The following AK3 variants were observed in gnomAD, a reference collection of about 807,000 sequenced individuals.
The protein encoded by AK3 is adenylate kinase 3.
In AK3, 27 loss-of-function variants were observed where a neutral mutation model predicts 23.7. The ratio of observed to expected loss-of-function variants is 1.14; its 90% CI spans 0.84 to 1.57. AK3 has a LOEUF of 1.57. Among genes scored for constraint, AK3 ranks in the 40% most tolerant of loss-of-function variants. The pLI is 0.00. For synonymous variants in AK3, 159 were observed against 116.0 expected, an observed-to-expected ratio of 1.37 and a Z score of -2.38; for missense variants, 406 against 285.6, an observed-to-expected ratio of 1.42 and a Z score of -3.04.
intron 1 of AK3, among the ~76,000 whole-genome samples, chr9:4,730,659 T>C (rs1040362929): frequency 1.3e-5 from 2 of 152,178 alleles, no homozygotes; most frequent in Non-Finnish European, 2.9e-5. Context: ...TATATATAGA[T>C]AGATAATCCT....
chr9:4,740,703 A>C (rs1842408554), intron 1 of AK3, among the ~76,000 whole-genome samples: 1 of 151,976 alleles, frequency 6.6e-6, no homozygotes, highest in Non-Finnish European at 1.5e-5. Context: ...TTCGAGCTCG[A>C]CCTAACTTTC....
intron 2 of AK3, among the ~76,000 whole-genome samples, chr9:4,720,340 A>C (rs1841862182): frequency 6.6e-6 from 1 of 152,216 alleles, no homozygotes; most frequent in Admixed American, 6.5e-5. Flanking sequence ...CATTTTGTCC[A>C]GAATACCAGA....
At chr9:4,730,508 T>C (rs1158467539) in intron 1 of AK3, among the ~76,000 whole-genome samples, 1 of 152,044 alleles carries the variant, frequency 6.6e-6, no homozygotes, top group Non-Finnish European at 1.5e-5. Context: ...GAAACTGAGG[T>C]GGGAGGATTG....
chr9:4,712,826 C>T lies in AK3; in HGVS notation c.*150G>A. Reference sequence around the variant, plus strand: ...TTAGTATCCGAATCATTTGGCACATCCTTAGTATCCAAAATAAAATCAGTA... The same window carrying T: ...TTAGTATCCGAATCATTTGGCACATTCTTAGTATCCAAAATAAAATCAGTA... On this transcript the variant is annotated 3_prime_UTR_variant, in exon 5 of 5. Transcript: ENST00000381809. 1 of 850,256 alleles carries T rather than the reference C, an allele frequency of 1.2e-6. No individual in the cohort carries two copies. Among genetic ancestry groups the T allele is most frequent in the Non-Finnish European group, 1.7e-6 (1 of 584,230 alleles). The allele number at this position is 850,256 out of a possible 1,614,324, so 52.7% of individuals were successfully genotyped here. A position where few individuals can be genotyped will look rare whatever the true frequency, so the allele number is the denominator to read the frequency against.
At chr9:4,735,478 A>ATATATATATATATATTTT (rs1295633089) in intron 1 of AK3, among the ~76,000 whole-genome samples, 1 of 62,598 alleles carries the variant, frequency 1.6e-5, no homozygotes, top group African/African-American at 6.5e-5. Context: ...ATATATATAT[A>ATATATATATATATATTTT]TTTTTTTTTT....
In AK3 at chr9:4,711,558, T is replaced by G. The variant is rs1486694151; in HGVS notation, c.*1418A>C. The G allele has an allele frequency of 6.6e-6, 1 of 152,536 alleles. No homozygotes were observed. The highest frequency in any genetic ancestry group is 1.5e-5 in the Non-Finnish European group (1 of 68,038). The allele number at this position is 152,536 out of a possible 1,614,324, so 9.4% of individuals were successfully genotyped here. A position where few individuals can be genotyped will look rare whatever the true frequency, so the allele number is the denominator to read the frequency against. ...TAAGAACCACTTACTGGCACTTGTATTTTAAGTACCTGGGAAAAAAACGGA... is the reference window on the plus strand; with the variant it reads ...TAAGAACCACTTACTGGCACTTGTAGTTTAAGTACCTGGGAAAAAAACGGA... On this transcript the variant is annotated 3_prime_UTR_variant, in exon 5 of 5. Transcript: ENST00000381809.
intron 2 of AK3, among the ~76,000 whole-genome samples, chr9:4,722,106 T>A (rs550764391): frequency 1.3e-5 from 2 of 152,162 alleles, no homozygotes; most frequent in Non-Finnish European, 2.9e-5. Context: ...CTGAAACAAA[T>A]CTCTTTTGTG....
chr9:4,735,869 C>G (rs1346775841), intron 1 of AK3, among the ~76,000 whole-genome samples: 1 of 151,950 alleles, frequency 6.6e-6, no homozygotes, highest in African/African-American at 2.4e-5. Flanking sequence ...AATCCCAGAA[C>G]TTTGAGAAGC....
At chr9:4,739,854 C>G (rs1179272542) in intron 1 of AK3, among the ~76,000 whole-genome samples, 1 of 151,854 alleles carries the variant, frequency 6.6e-6, no homozygotes, top group East Asian at 1.9e-4. Context: ...TTGCTTGAAC[C>G]CAGGAGGCAG....
At chr9:4,718,233 G>A (rs1841789898) in intron 4 of AK3, among the ~76,000 whole-genome samples, 186 bp downstream of exon 4, 1 of 152,174 alleles carries the variant, frequency 6.6e-6, no homozygotes, top group Non-Finnish European at 1.5e-5. Flanking sequence ...ATCAAACCCA[G>A]GTGTGACTGA....
intron 4 of AK3, among the ~76,000 whole-genome samples, chr9:4,717,325 C>G (rs1841763289): frequency 6.6e-6 from 1 of 152,196 alleles, no homozygotes; most frequent in South Asian, 2.1e-4. Flanking sequence ...TGGAGTATTT[C>G]TTAGCCTAAG....
chr9:4,741,559 T>G (rs939872007), upstream of AK3, among the ~76,000 whole-genome samples: 5 of 151,038 alleles, frequency 3.3e-5, no homozygotes, highest in African/African-American at 4.9e-5. Flanking sequence ...CCCAGCCGGA[T>G]AGACCGCGCT....
At position 4,715,775 on chromosome 9, in the gene AK3, A is replaced by G. The variant is rs1401939255; in HGVS notation, c.563+2644T>C. On this transcript the variant is annotated intron_variant, in intron 4 of 4. Transcript: ENST00000381809. The stretch of plus-strand genomic sequence containing the variant: ...TCACTGCTTTGGGGGATTATCATTC[A>G]TAGCCTTGCAGTGGTGGTGTTATCT... Among the ~76,000 whole-genome samples, 3 of 152,270 alleles carry G rather than the reference A, an allele frequency of 2.0e-5. No homozygotes were observed. In the East Asian group the frequency reaches 5.8e-4, roughly 29 times the overall value.
At chr9:4,740,075 A>AG (rs1842391474) in intron 1 of AK3, among the ~76,000 whole-genome samples, 1 of 141,440 alleles carries the variant, frequency 7.1e-6, no homozygotes, top group South Asian at 2.1e-4. Context: ...AAAAAAAAAA[A>AG]AAGAAGGAAA....
chr9:4,729,979 A>G (rs1402694549), intron 1 of AK3, among the ~76,000 whole-genome samples: 1 of 152,260 alleles, frequency 6.6e-6, no homozygotes, highest in African/African-American at 2.4e-5. Context: ...ATATCAAGAC[A>G]GTGGAATATT....
intron 2 of AK3, among the ~76,000 whole-genome samples, chr9:4,719,812 T>G (rs1841844411): frequency 6.6e-6 from 1 of 152,138 alleles, no homozygotes; most frequent in South Asian, 2.1e-4. Flanking sequence ...ACACCTGTAA[T>G]CCCAGCATTT....
intron 1 of AK3, among the ~76,000 whole-genome samples, chr9:4,725,868 C>T (rs563529452): frequency 2.0e-5 from 3 of 152,266 alleles, no homozygotes; most frequent in African/African-American, 4.8e-5. Flanking sequence ...CAAGGAGATA[C>T]TACTTCACAT....
intron 1 of AK3, 62 bp downstream of exon 1, chr9:4,740,875 C>G: frequency 1.4e-6 from 2 of 1,412,814 alleles, no homozygotes; most frequent in South Asian, 1.6e-5. Flanking sequence ...GCTTCGGCCC[C>G]TCGCCCGCGA....
At chr9:4,716,357 T>C (rs1841725145) in intron 4 of AK3, among the ~76,000 whole-genome samples, 1 of 152,166 alleles carries the variant, frequency 6.6e-6, no homozygotes, top group Non-Finnish European at 1.5e-5. Context: ...TGAACAATAA[T>C]TGCTGACAAT....
Sources: gnomAD v4.1 joint callset for allele counts (sites outside exome capture counted in the v4.1 genomes callset) on GRCh38, gnomAD v4.1.1 for gene constraint, MANE v1.5 for transcripts, NCBI Gene and HGNC (gene_info 2026-07-23, HGNC 2026-07-21) for gene names.